E2F8: variants seen among roughly 807,000 people sequenced by gnomAD.
E2F8 encodes transcription factor E2F8.
In E2F8, 35 loss-of-function variants were observed where a neutral mutation model predicts 80.8. The ratio of observed to expected loss-of-function variants is 0.43; its 90% CI spans 0.33 to 0.57. The LOEUF is 0.57. Ranked by LOEUF, E2F8 falls within the 20% of genes least tolerant of loss-of-function variation. The pLI is 0.04. For missense variants in E2F8, 975 were observed against 1,056.2 expected (o/e 0.92, Z 1.07); for synonymous variants, 386 against 395.0 (o/e 0.98, Z 0.27).
rs1268855461 is a variant in E2F8, at chr11:19,225,754, C to T, written c.2004G>A (p.Arg668=). Residue 668 remains arginine, a synonymous_variant, in exon 11 of 13, where the codon AGG becomes AGA. Coordinates refer to ENST00000250024, the MANE Select transcript of E2F8 (RefSeq NM_024680.4). ...ENSSALSPNH[R]IYSSPIAGVI... ...CACCTGCAATTGGGGAGCTGTAAATCCTGTGGTTTGGGGAAAGAGCACTTG... is the reference window on the plus strand; with the variant it reads ...CACCTGCAATTGGGGAGCTGTAAATTCTGTGGTTTGGGGAAAGAGCACTTG... The T allele has an allele frequency of 3.1e-6, 5 of 1,614,036 alleles. No individual in the cohort carries two copies. The highest frequency in any genetic ancestry group is 4.2e-6 in the Non-Finnish European group (5 of 1,180,046).
At chr11:19,231,690 G>A (rs1301155400) in intron 7 of E2F8, among the ~76,000 whole-genome samples, 5 of 152,266 alleles carry the variant, frequency 3.3e-5, no homozygotes, top group Admixed American at 6.5e-5. Context: ...TCACTGTGCC[G>A]CATAGCAGCA....
rs200081576 is a variant in E2F8, at chr11:19,234,831, C to T, written c.679G>A (p.Glu227Lys). The T allele has an allele frequency of 2.8e-4, 453 of 1,614,078 alleles. 1 individual carries two copies. Among genetic ancestry groups the T allele is most frequent in the Middle Eastern group, 1.6e-3 (10 of 6,084 alleles). Residue 227 changes from glutamate (E) to lysine (K), a missense_variant, in exon 5 of 13, where the codon GAG becomes AAG. Physicochemically the swap from Glu to Lys is moderately conservative, Grantham distance 56. Coordinates refer to ENST00000250024, the MANE Select transcript of E2F8 (RefSeq NM_024680.4). Reference protein sequence around the residue: ...EFDFIKSYSIEDHIIKSNTGP... With the variant: ...EFDFIKSYSIKDHIIKSNTGP... The stretch of plus-strand genomic sequence containing the variant: ...GTGTTTGATTTGATGATATGATCCT[C>T]TATACTGTAACTCTTAATAAAGTCA...
intron 10 of E2F8, chr11:19,226,156 C>T (rs1262111185): frequency 1.6e-5 from 6 of 370,494 alleles, no homozygotes; most frequent in African/African-American, 8.0e-5. Flanking sequence ...TCATCCAGCA[C>T]ACCACTCTTA....
intron 6 of E2F8, among the ~76,000 whole-genome samples, chr11:19,233,429 G>C (rs1198638263): frequency 1.3e-5 from 2 of 152,170 alleles, no homozygotes; most frequent in South Asian, 4.1e-4. Context: ...AAGGAGACCA[G>C]GGTGCAGACC....
Position 19,227,878 on chromosome 11 carries a change from A to G in E2F8, c.1893+1576T>C, listed in dbSNP as rs577790834. Among the ~76,000 whole-genome samples, 18 of 152,340 alleles carry G rather than the reference A, an allele frequency of 1.2e-4. No individual in the cohort carries two copies. In the South Asian group the frequency reaches 3.7e-3, roughly 32 times the overall value. ...CAAGGCAGGCAGACTGCTTGAGCTC[A>G]GGAGTTCGAGACCAGGCTGAGCAAC... On this transcript the variant is annotated intron_variant, in intron 10 of 12. Coordinates refer to ENST00000250024, the MANE Select transcript of E2F8 (RefSeq NM_024680.4).
In E2F8 at chr11:19,224,493, GTGTGTA is replaced by G. The variant is rs1299121837; in HGVS notation, c.*159_*164del. 6.1e-5 allele frequency: 31 copies of G among 504,690 alleles called. No individual in the cohort carries two copies. The Admixed American group carries it at 7.2e-4, about 12-fold the overall frequency. The allele number at this position is 504,690 out of a possible 1,614,324, so 31.3% of individuals were successfully genotyped here. A position where few individuals can be genotyped will look rare whatever the true frequency, so the allele number is the denominator to read the frequency against. On this transcript the variant is annotated 3_prime_UTR_variant, in exon 13 of 13. Transcript: ENST00000250024. The stretch of plus-strand genomic sequence containing the variant: ...TATGTGTGTGTGTGTGTGTGTGTGT[GTGTGTA>G]TATATATATATGTATGAAAACAACT...
chr11:19,225,214 C>T lies in E2F8; in HGVS notation c.2421+7G>A. Reference sequence around the variant, plus strand: ...GGAAAAATTAAATTAAGTAGAAAGCCTCTCACCTGTTGTGCCCCTGTCACA... The same window carrying T: ...GGAAAAATTAAATTAAGTAGAAAGCTTCTCACCTGTTGTGCCCCTGTCACA... On this transcript the variant is annotated splice_region_variant and intron_variant, in intron 12 of 12. Transcript: ENST00000250024. The T allele has an allele frequency of 6.2e-7, 1 of 1,610,632 alleles. No homozygotes were observed. Among genetic ancestry groups the T allele is most frequent in the Non-Finnish European group, 8.5e-7 (1 of 1,178,878 alleles).
chr11:19,225,741 G>A lies in E2F8; in HGVS notation c.2017C>T (p.Pro673Ser). 6.2e-7 allele frequency: 1 copy of A among 1,614,178 alleles called. No homozygotes were observed. The highest frequency in any genetic ancestry group is 8.5e-7 in the Non-Finnish European group (1 of 1,180,032). The change falls in exon 11 of 13, where the codon CCA (proline) becomes TCA (serine). Residue 673 changes from proline (P) to serine (S), a missense_variant. Pro to Ser is a moderately conservative substitution (Grantham distance 74). Transcript: ENST00000250024. ...LSPNHRIYSS[P>S]IAGVIPVTSS... ...TTTTATGTGCACTCACCTGCAATTG[G>A]GGAGCTGTAAATCCTGTGGTTTGGG...
upstream of E2F8, chr11:19,241,292 GC>G: frequency 1.3e-5 from 2 of 154,868 alleles, no homozygotes; most frequent in Non-Finnish European, 2.9e-5. The surrounding 1 kb of genome is among the most constrained non-coding windows in gnomAD (Gnocchi z 4.5). Context: ...CTCCCTCACG[GC>G]CCCCGGCGAA....
rs367890879 is a variant in E2F8 at position 19,240,172 on chromosome 11, C to T, written c.-51G>A. On this transcript the variant is annotated 5_prime_UTR_variant, in exon 2 of 13. Coordinates refer to ENST00000250024, the MANE Select transcript of E2F8 (RefSeq NM_024680.4). ...GTTTAAAAATGAAAAATCTGGAGTT[C>T]CTCCCCAAATCCCGATGGTTCAAGT... is the stretch of plus-strand genomic sequence containing the variant. 2 of 1,346,478 alleles carry T rather than the reference C, an allele frequency of 1.5e-6. No homozygotes were observed. The highest frequency in any genetic ancestry group is 3.0e-5 in the African/African-American group (2 of 67,006). The allele number at this position is 1,346,478 out of a possible 1,614,324, so 83.4% of individuals were successfully genotyped here.
At chr11:19,225,058 G>T in intron 12 of E2F8, 163 bp downstream of exon 12, 1 of 1,157,136 alleles carries the variant, frequency 8.6e-7, no homozygotes, top group Non-Finnish European at 1.2e-6. Flanking sequence ...TGGATGCCTT[G>T]GACACTCTTC....
chr11:19,233,165 T>A (rs952555738), intron 6 of E2F8, among the ~76,000 whole-genome samples: 1 of 152,122 alleles, frequency 6.6e-6, no homozygotes, highest in African/African-American at 2.4e-5. Flanking sequence ...AAATTGCAGA[T>A]CTCCCGATCT....
At position 19,225,590 on chromosome 11, in the gene E2F8, T is replaced by A. The variant is rs536432501; in HGVS notation, c.2052A>T (p.Glu684Asp). The A allele has an allele frequency of 3.7e-6, 6 of 1,613,928 alleles. No individual in the cohort carries two copies. The South Asian group carries it at 6.6e-5, about 18-fold the overall frequency. The change falls in exon 12 of 13, where the codon GAA becomes GAT. Residue 684 changes from glutamate (E) to aspartate (D), a missense_variant. By Grantham distance (45) the Glu-to-Asp change is conservative. Transcript: ENST00000250024. ...AAGAGGGAAAATTAACAGCAGTGAG[T>A]TCAGATGATGTCACTGGAATAACAC... ...IAGVIPVTSS[E>D]LTAVNFPSFH...
rs1456659774 is a variant in E2F8, at chr11:19,238,230, G to GA, written c.16-99_16-98insT. 1.2e-4 allele frequency: 149 copies of GA among 1,238,214 alleles called. 1 individual carries two copies. In the African/African-American group the frequency reaches 2.0e-3, roughly 17 times the overall value. 76.7% of individuals were successfully genotyped at this position (1,238,214 alleles called of 1,614,324 possible). On this transcript the variant is annotated intron_variant, in intron 2 of 12. Transcript: ENST00000250024. ...TGCATAACGAATAGAATCATGCCAAGGAAAAAATGTCTAATGAGATTGTAG... is the reference window on the plus strand; with the variant it reads ...TGCATAACGAATAGAATCATGCCAAGAGAAAAAATGTCTAATGAGATTGTAG...
intron 6 of E2F8, among the ~76,000 whole-genome samples, chr11:19,233,164 ATCTCCCGATCTCCCGAGCCAAGT>A (rs1851424069): frequency 6.6e-6 from 1 of 152,088 alleles, no homozygotes; most frequent in Non-Finnish European, 1.5e-5. Context: ...GAAATTGCAG[ATCTCCCGATCTCCCGAGCCAAGT>A]GCTCCTCCCC....
chr11:19,224,838 A>G lies in E2F8; in HGVS notation c.2424T>C (p.Pro808=). ...GTGACCCTTTGGGTGTCACAGGAAC[A>G]GGCTGATTGGAAAGAGAAGAATGGA... ...QSVAVTGAQQ[P]VPVTPKGSQL... The change falls in exon 13 of 13, where the codon CCT becomes CCC. Residue 808 remains proline, a splice_region_variant and synonymous_variant. Coordinates refer to ENST00000250024, the MANE Select transcript of E2F8 (RefSeq NM_024680.4). The G allele has an allele frequency of 6.2e-7, 1 of 1,614,152 alleles. No homozygotes were observed. The highest frequency in any genetic ancestry group is 8.5e-7 in the Non-Finnish European group (1 of 1,180,020).
intron 6 of E2F8, among the ~76,000 whole-genome samples, chr11:19,233,183 C>G (rs1267578657): frequency 6.6e-6 from 1 of 152,194 alleles, no homozygotes; most frequent in African/African-American, 2.4e-5. Context: ...TCTCCCGAGC[C>G]AAGTGCTCCT....
intron 10 of E2F8, among the ~76,000 whole-genome samples, chr11:19,228,017 C>T (rs374503756): frequency 1.2e-4 from 19 of 152,180 alleles, no homozygotes; most frequent in South Asian, 6.2e-4. Flanking sequence ...CCTTGGAGGT[C>T]GAGGCTGCAG....
At chr11:19,230,524 G>T (rs940104345) in intron 8 of E2F8, 107 bp downstream of exon 8, 18 of 1,329,502 alleles carry the variant, frequency 1.4e-5, no homozygotes, top group Non-Finnish European at 1.7e-5. Flanking sequence ...TGGGTATATA[G>T]ATATTGAAAT....
Sources: gnomAD v4.1 joint callset for allele counts (sites outside exome capture counted in the v4.1 genomes callset) on GRCh38, gnomAD v4.1.1 for gene constraint, Gnocchi (gnomAD v3.1) non-coding constraint, MANE v1.5 for transcripts, NCBI Gene and HGNC (gene_info 2026-07-23, HGNC 2026-07-21) for gene names.